Variants in OSBPL9 observed in about 807,000 individuals in gnomAD.
The protein encoded by OSBPL9 is oxysterol-binding protein-related protein 9.
OSBPL9 carries 40 observed loss-of-function variants against 106.6 expected under a neutral mutation model. The observed-to-expected ratio is 0.38, with a 90% CI of 0.29 to 0.49. OSBPL9 has a LOEUF of 0.49. Ranked by LOEUF, OSBPL9 falls within the 20% of genes least tolerant of loss-of-function variation. The pLI is 0.97. For synonymous variants in OSBPL9, 269 were observed against 295.4 expected, an observed-to-expected ratio of 0.91 and a Z score of 0.92; for missense variants, 609 against 887.2, an observed-to-expected ratio of 0.69 and a Z score of 3.98.
rs1671271121 is a variant in OSBPL9 at position 51,760,563 on chromosome 1, T to C, written c.583-127T>C. On this transcript the variant is annotated intron_variant, in intron 9 of 23. Coordinates refer to ENST00000428468, the MANE Select transcript of OSBPL9 (RefSeq NM_024586.6). ...TAGAAAAGGTGTTTCATTCCCTCTT[T>C]TCATTTTGATCAACATATCTATATA... The C allele has an allele frequency of 2.9e-6, 4 of 1,390,424 alleles. No homozygotes were observed. The Admixed American group carries it at 9.8e-5, about 34-fold the overall frequency. 86.1% of individuals were successfully genotyped at this position (1,390,424 alleles called of 1,614,324 possible). A position where few individuals can be genotyped will look rare whatever the true frequency, so the allele number is the denominator to read the frequency against.
At chr1:51,767,837 A>G (rs894784009) in intron 12 of OSBPL9, among the ~76,000 whole-genome samples, 4 of 152,120 alleles carry the variant, frequency 2.6e-5, no homozygotes, top group African/African-American at 9.7e-5. Flanking sequence ...TGGGGTTAAA[A>G]GAAAATAAGC....
At chr1:51,735,836 T>C (rs918690281) in intron 4 of OSBPL9, among the ~76,000 whole-genome samples, 1 of 152,254 alleles carries the variant, frequency 6.6e-6, no homozygotes, top group African/African-American at 2.4e-5. Context: ...ATCTTGTTTC[T>C]TGTTTTACTA....
intron 4 of OSBPL9, among the ~76,000 whole-genome samples, chr1:51,724,479 T>A (rs75125988): frequency 0.023 from 3,502 of 151,916 alleles, 79 homozygotes; most frequent in Middle Eastern, 0.088. Flanking sequence ...GAGACGGGGG[T>A]TCCACCATGT....
chr1:51,691,527 C>A (rs964883251), intron 3 of OSBPL9, among the ~76,000 whole-genome samples: 2 of 151,854 alleles, frequency 1.3e-5, no homozygotes, highest in Non-Finnish European at 2.9e-5. Context: ...ACCTTGTGAT[C>A]CACCTGCCTC....
chr1:51,759,901 A>G (rs534289187), intron 9 of OSBPL9: 2 of 152,308 alleles, frequency 1.3e-5, no homozygotes, highest in African/African-American at 4.8e-5. Context: ...TTTAGTGACC[A>G]TAAAACTAGA....
intron 4 of OSBPL9, among the ~76,000 whole-genome samples, chr1:51,718,158 A>G (rs1036386921): frequency 3.9e-5 from 6 of 152,318 alleles, no homozygotes; most frequent in East Asian, 1.9e-4. Context: ...AATTAAAACA[A>G]TCGAACTCAT....
chr1:51,619,979 A>G (rs1191692171), intron 1 of OSBPL9, among the ~76,000 whole-genome samples: 1 of 152,154 alleles, frequency 6.6e-6, no homozygotes, highest in Non-Finnish European at 1.5e-5. Flanking sequence ...AATATATTCT[A>G]GGGTGGTTCT....
Position 51,629,982 on chromosome 1 carries a change from G to A in OSBPL9, c.111+12761G>A, listed in dbSNP as rs1645012622. Among the ~76,000 whole-genome samples, 3 of 151,908 alleles carry A rather than the reference G, an allele frequency of 2.0e-5. No individual in the cohort carries two copies. In the South Asian group the frequency reaches 6.2e-4, roughly 32 times the overall value. ...AAAATTATTAATGTGCATGGGGGAG[G>A]GGGAGTTATGGAGTGATTACCCCAA... On this transcript the variant is annotated intron_variant, in intron 1 of 23. Coordinates refer to ENST00000428468, the MANE Select transcript of OSBPL9 (RefSeq NM_024586.6).
chr1:51,732,421 A>C (rs1334338252), intron 4 of OSBPL9, among the ~76,000 whole-genome samples: 1 of 152,224 alleles, frequency 6.6e-6, no homozygotes, highest in Admixed American at 6.5e-5. Flanking sequence ...ATATTTAGGA[A>C]GCTTTTCAGT....
chr1:51,539,712 T>A, the OSBPL9 span, among the ~76,000 whole-genome samples: 5 of 152,102 alleles, frequency 3.3e-5, no homozygotes, highest in Non-Finnish European at 7.4e-5. Context: ...TTGCCCAAGG[T>A]CACACAGCCT....
intron 4 of OSBPL9, chr1:51,745,094 A>G (rs1667710970): frequency 6.4e-6 from 1 of 156,228 alleles, no homozygotes; most frequent in Non-Finnish European, 1.4e-5. Context: ...GGGTTGAGGA[A>G]TGGGAGAACT....
rs565183271 is a variant in OSBPL9 at position 51,599,108 on chromosome 1, G to A, written c.-353+915G>A. Among the ~76,000 whole-genome samples the A allele has an allele frequency of 2.0e-5, 3 of 152,180 alleles. No homozygotes were observed. In the South Asian group the frequency reaches 6.2e-4, roughly 32 times the overall value. On this transcript the variant is annotated intron_variant, in intron 2 of 25. Coordinates refer to the OSBPL9 transcript ENST00000371714. ...CATGACTGTAGTCCTAGCTGCTCAA[G>A]AGGATGAGGTTGGAAGATCACTTCA...
At chr1:51,681,820 T>C (rs920742075) in intron 3 of OSBPL9, among the ~76,000 whole-genome samples, 1 of 152,214 alleles carries the variant, frequency 6.6e-6, no homozygotes, top group African/African-American at 2.4e-5. Flanking sequence ...CTATATACTT[T>C]AAACCATCAA....
At chr1:51,622,366 T>C (rs1266252039) in intron 1 of OSBPL9, among the ~76,000 whole-genome samples, 1 of 151,576 alleles carries the variant, frequency 6.6e-6, no homozygotes, top group Non-Finnish European at 1.5e-5. Context: ...GTGAGTAGAA[T>C]AGAGATCTTT....
chr1:51,518,794 G>A, the OSBPL9 span, among the ~76,000 whole-genome samples: 7 of 151,184 alleles, frequency 4.6e-5, no homozygotes, highest in South Asian at 1.5e-3. Flanking sequence ...GGTGCGGCCG[G>A]CCCGCGCGAG....
chr1:51,590,519 C>G (rs552885823), intron 1 of OSBPL9, among the ~76,000 whole-genome samples: 1 of 149,758 alleles, frequency 6.7e-6, no homozygotes, highest in East Asian at 2.0e-4. Context: ...ACTCGGGAGG[C>G]TGAGGCAGGA....
At chr1:51,711,360 A>T (rs969709834) in intron 3 of OSBPL9, among the ~76,000 whole-genome samples, 5 of 140,802 alleles carry the variant, frequency 3.6e-5, no homozygotes, top group African/African-American at 1.1e-4. Context: ...TCCCTCCCGG[A>T]CTAGGCGGCT....
intron 4 of OSBPL9, among the ~76,000 whole-genome samples, chr1:51,721,154 T>G (rs1662050043): frequency 6.6e-6 from 1 of 151,936 alleles, no homozygotes; most frequent in Non-Finnish European, 1.5e-5. Context: ...TTTTTTTTTT[T>G]TGTCGTCACT....
In OSBPL9 at chr1:51,705,944, G is replaced by T. The variant is rs552648538; in HGVS notation, c.242-8059G>T. Among the ~76,000 whole-genome samples the T allele has an allele frequency of 3.3e-5, 5 of 152,232 alleles. No individual in the cohort carries two copies. The East Asian group carries it at 9.7e-4, about 29-fold the overall frequency. ...TGGGAGAGGAAAGAGTCATGCATCA[G>T]TATATAGATTGTGCTATTCTGTTGT... is the stretch of plus-strand genomic sequence containing the variant. On this transcript the variant is annotated intron_variant, in intron 3 of 23. Transcript: ENST00000428468.
Sources: gnomAD v4.1 joint callset for allele counts (sites outside exome capture counted in the v4.1 genomes callset) on GRCh38, gnomAD v4.1.1 for gene constraint, MANE v1.5 for transcripts, NCBI Gene and HGNC (gene_info 2026-07-23, HGNC 2026-07-21) for gene names.